The following NTM variants were observed in gnomAD, a reference collection of about 807,000 sequenced individuals.
NTM encodes neurotrimin.
In NTM, 13 loss-of-function variants were observed where a neutral mutation model predicts 42.1. The observed-to-expected ratio is 0.31, with a 90% CI of 0.20 to 0.49. The LOEUF (loss-of-function observed/expected upper bound fraction) is 0.49. Ranked by LOEUF, NTM falls within the 20% of genes least tolerant of loss-of-function variation. The pLI, the probability that NTM is intolerant of heterozygous loss-of-function variation, is 0.99. For synonymous variants in NTM, 187 were observed against 179.2 expected (o/e 1.04, Z -0.35); for missense variants, 373 against 452.8 (o/e 0.82, Z 1.60).
intron 2 of NTM, among the ~76,000 whole-genome samples, chr11:132,125,438 AGG>A (rs2065555597): frequency 8.1e-6 from 1 of 123,052 alleles, no homozygotes; most frequent in African/African-American, 3.2e-5. Flanking sequence ...GTGTGTGGTG[AGG>A]TATGAGTGTG....
At chr11:132,183,780 A>G (rs79382380) in intron 3 of NTM, among the ~76,000 whole-genome samples, 78 of 152,206 alleles carry the variant, frequency 5.1e-4, no homozygotes, top group African/African-American at 1.8e-3. Context: ...TATTCAATAC[A>G]AATTTAGGCC....
intron 2 of NTM, among the ~76,000 whole-genome samples, chr11:131,957,591 A>G (rs1254902786): frequency 2.0e-5 from 3 of 152,174 alleles, no homozygotes; most frequent in African/African-American, 7.2e-5. Context: ...GATTTATTTT[A>G]TTGTCATTTA....
chr11:132,293,059 G>A (rs189435960), intron 4 of NTM, among the ~76,000 whole-genome samples: 4 of 152,198 alleles, frequency 2.6e-5, no homozygotes, highest in Middle Eastern at 3.4e-3. Flanking sequence ...GGTTTTTGAC[G>A]GATTGTACTT....
At position 131,424,600 on chromosome 11, in the gene NTM, C is replaced by CTTTTTTTTTTTTTT. The variant is rs769740331; in HGVS notation, c.82+53717_82+53730dup. Among the ~76,000 whole-genome samples the CTTTTTTTTTTTTTT allele has an allele frequency of 2.6e-3, 144 of 56,012 alleles. 21 individuals carry two copies. Among genetic ancestry groups the CTTTTTTTTTTTTTT allele is most frequent in the African/African-American group, 8.8e-3 (121 of 13,740 alleles). 36.7% of individuals were successfully genotyped at this position (56,012 alleles called of 152,430 possible). ...AGTTGTTTTTTATTTCTTTTCTTTT[C>CTTTTTTTTTTTTTT]TTTTTTTTTTTTTTTTTTGGCGCAA... On this transcript the variant is annotated intron_variant, in intron 1 of 8. Transcript: ENST00000683400.
At chr11:131,548,374 C>T (rs538622955) in intron 1 of NTM, among the ~76,000 whole-genome samples, 2 of 152,146 alleles carry the variant, frequency 1.3e-5, no homozygotes, top group East Asian at 3.9e-4. Context: ...TCAAGAAAGG[C>T]ATAAAAATTA....
chr11:131,472,662 G>A (rs1174402139), intron 1 of NTM, among the ~76,000 whole-genome samples: 1 of 152,212 alleles, frequency 6.6e-6, no homozygotes, highest in Non-Finnish European at 1.5e-5. Context: ...TAAAGGCAAT[G>A]AGGAGAAGGG....
At chr11:132,174,340 A>T (rs1415980757) in intron 3 of NTM, among the ~76,000 whole-genome samples, 1 of 152,254 alleles carries the variant, frequency 6.6e-6, no homozygotes, top group Non-Finnish European at 1.5e-5. Context: ...AAATTAAATC[A>T]TGGAAGTGAA....
chr11:131,506,781 T>A (rs762256296), intron 1 of NTM, among the ~76,000 whole-genome samples: 4 of 152,182 alleles, frequency 2.6e-5, no homozygotes, highest in Non-Finnish European at 4.4e-5. Context: ...AAGGCCTCTG[T>A]CTCTGAGGGC....
rs2086041421 is a variant in NTM, at chr11:132,225,518, A to T, written c.526+13371A>T. On this transcript the variant is annotated intron_variant, in intron 4 of 8. Coordinates refer to ENST00000683400, the MANE Select transcript of NTM (RefSeq NM_001352005.2). ...TGGGGAATGCATTTGGTGCGTATGAAGAACAGCAAGAATTCTGGTGCTCAG... is the reference window on the plus strand; with the variant it reads ...TGGGGAATGCATTTGGTGCGTATGATGAACAGCAAGAATTCTGGTGCTCAG... 2.0e-5 allele frequency among the ~76,000 whole-genome samples: 3 copies of T among 152,212 alleles called. No homozygotes were observed. In the South Asian group the frequency reaches 6.2e-4, roughly 32 times the overall value.
chr11:132,330,476 C>T (rs1242465313), intron 8 of NTM, among the ~76,000 whole-genome samples: 1 of 152,174 alleles, frequency 6.6e-6, no homozygotes, highest in Non-Finnish European at 1.5e-5. Context: ...TACTCTGCAC[C>T]AGGCCTGCCT....
intron 2 of NTM, among the ~76,000 whole-genome samples, chr11:132,084,050 T>C (rs1055556023): frequency 9.9e-5 from 15 of 152,226 alleles, no homozygotes; most frequent in Non-Finnish European, 1.6e-4. Context: ...ACTCTTGTTC[T>C]GCTTGATATT....
At chr11:131,635,426 G>A (rs970535749) in intron 1 of NTM, among the ~76,000 whole-genome samples, 9 of 152,130 alleles carry the variant, frequency 5.9e-5, no homozygotes, top group African/African-American at 2.2e-4. Flanking sequence ...TAACAAAACA[G>A]TTTTAAAAGT....
At chr11:131,593,359 C>G (rs1364840253) in intron 1 of NTM, among the ~76,000 whole-genome samples, 1 of 152,216 alleles carries the variant, frequency 6.6e-6, no homozygotes, top group East Asian at 1.9e-4. Context: ...TGGCTTAGCT[C>G]TCAGCAGGTG....
At chr11:132,112,718 T>TACACACACACACACACACACAC (rs61630313) in intron 2 of NTM, among the ~76,000 whole-genome samples, 1 of 142,072 alleles carries the variant, frequency 7.0e-6, no homozygotes, top group Non-Finnish European at 1.5e-5. Context: ...ACTGCACACT[T>TACACACACACACACACACACAC]ACACACACAC....
chr11:131,469,184 C>T (rs1952182040), intron 1 of NTM, among the ~76,000 whole-genome samples: 1 of 152,188 alleles, frequency 6.6e-6, no homozygotes, highest in Non-Finnish European at 1.5e-5. Flanking sequence ...CCCACTGCCA[C>T]TGTGAGGCCA....
intron 3 of NTM, among the ~76,000 whole-genome samples, chr11:132,168,375 C>A (rs1014278255): frequency 6.6e-6 from 1 of 152,170 alleles, no homozygotes; most frequent in Non-Finnish European, 1.5e-5. Context: ...GGTCCATTTG[C>A]CTCTACTCTA....
At chr11:131,872,214 T>C (rs746506584) in intron 1 of NTM, among the ~76,000 whole-genome samples, 4 of 152,190 alleles carry the variant, frequency 2.6e-5, no homozygotes, top group Non-Finnish European at 5.9e-5. Context: ...GAAACAGAAC[T>C]CAGGAGCTTG....
intron 2 of NTM, among the ~76,000 whole-genome samples, chr11:131,992,036 G>A (rs1463769670): frequency 1.3e-5 from 2 of 152,148 alleles, no homozygotes; most frequent in South Asian, 2.1e-4. Context: ...AAAATACACA[G>A]TTGATTCTTG....
chr11:131,434,016 C>T (rs1948911376), intron 1 of NTM, among the ~76,000 whole-genome samples: 2 of 152,182 alleles, frequency 1.3e-5, no homozygotes, highest in Admixed American at 6.5e-5. Context: ...CTCCATTGTT[C>T]AGTTCCCACC....
Sources: gnomAD v4.1 joint callset for allele counts (sites outside exome capture counted in the v4.1 genomes callset) on GRCh38, gnomAD v4.1.1 for gene constraint, MANE v1.5 for transcripts, NCBI Gene and HGNC (gene_info 2026-07-23, HGNC 2026-07-21) for gene names.